GMDS: variants seen among roughly 807,000 people sequenced by gnomAD.
GMDS encodes the protein GDP-mannose 4,6 dehydratase.
A neutral mutation model predicts 49.9 loss-of-function variants in GMDS; 20 were observed. The observed-to-expected ratio is 0.40, with a 90% CI of 0.28 to 0.58. The LOEUF (loss-of-function observed/expected upper bound fraction) is 0.58, where lower values mean the gene tolerates loss of function less well. Among genes scored for constraint, GMDS ranks in the 20% least tolerant of loss-of-function variants. The pLI is 0.42. For missense variants in GMDS, 362 were observed against 481.4 expected (o/e 0.75, Z 2.32); for synonymous variants, 177 against 178.6 (o/e 0.99, Z 0.07).
intron 7 of GMDS, among the ~76,000 whole-genome samples, chr6:1,817,080 T>C (rs750588976): frequency 1.8e-4 from 27 of 146,790 alleles, no homozygotes; most frequent in Non-Finnish European, 3.6e-4. Context: ...CTGGTATTTA[T>C]ACATATATAT....
In GMDS at chr6:1,624,210, G is replaced by T; in HGVS notation, c.1078C>A (p.His360Asn). 6.2e-7 allele frequency: 1 copy of T among 1,611,036 alleles called. No individual in the cohort carries two copies. Among genetic ancestry groups the T allele is most frequent in the Non-Finnish European group, 8.5e-7 (1 of 1,179,778 alleles). Reference sequence around the variant, plus strand: ...GTCCTCATGAGCTCCACGTCGGCGTGCACCATCTCCCTCACCAGCTCCTGC... The same window carrying T: ...GTCCTCATGAGCTCCACGTCGGCGTTCACCATCTCCCTCACCAGCTCCTGC... ...AFDELVREMV[H>N]ADVELMRTNP... Residue 360 changes from histidine to asparagine, a missense_variant, in exon 11 of 11, where the codon CAC becomes AAC. Transcript: ENST00000380815.
chr6:1,714,618 T>C lies in GMDS; in HGVS notation c.987+11798A>G, dbSNP rs540640340. Among the ~76,000 whole-genome samples, 4 of 152,352 alleles carry C rather than the reference T, an allele frequency of 2.6e-5. No homozygotes were observed. The South Asian group carries it at 8.3e-4, about 32-fold the overall frequency. ...AAGCCAGAGAACTGAGTGTCTTTTA[T>C]GCTAGGTGACACTTTGTTCCACAAA... On this transcript the variant is annotated intron_variant, in intron 9 of 10. Transcript: ENST00000380815.
intron 7 of GMDS, among the ~76,000 whole-genome samples, chr6:1,768,890 G>T (rs1013563963): frequency 2.6e-5 from 4 of 152,168 alleles, no homozygotes; most frequent in Non-Finnish European, 5.9e-5. Context: ...GACTAAAAGA[G>T]TTATGCTTAT....
At chr6:1,690,060 G>A (rs900171271) in intron 9 of GMDS, among the ~76,000 whole-genome samples, 2 of 152,206 alleles carry the variant, frequency 1.3e-5, no homozygotes, top group Admixed American at 6.5e-5. Flanking sequence ...AACCGAGATC[G>A]CATCACTGCA....
chr6:1,707,254 T>C (rs1263497202), intron 9 of GMDS, among the ~76,000 whole-genome samples: 1 of 152,192 alleles, frequency 6.6e-6, no homozygotes, highest in African/African-American at 2.4e-5. Context: ...AATGTGACTT[T>C]AAGGAAGCAA....
At chr6:2,049,238 T>A (rs141662432) in intron 4 of GMDS, among the ~76,000 whole-genome samples, 1 of 152,342 alleles carries the variant, frequency 6.6e-6, no homozygotes, top group Non-Finnish European at 1.5e-5. Context: ...GTAATTTATC[T>A]ATAGATTCAT....
At chr6:1,968,711 C>T (rs1764405678) in intron 4 of GMDS, among the ~76,000 whole-genome samples, 1 of 152,100 alleles carries the variant, frequency 6.6e-6, no homozygotes, top group African/African-American at 2.4e-5. Flanking sequence ...CATATTTCCT[C>T]CCCACATACT....
intron 4 of GMDS, among the ~76,000 whole-genome samples, chr6:2,019,665 G>A (rs1241691558): frequency 6.6e-6 from 1 of 152,070 alleles, no homozygotes; most frequent in Non-Finnish European, 1.5e-5. Flanking sequence ...GGCCAGGCTG[G>A]TCTCGAACCC....
intron 4 of GMDS, among the ~76,000 whole-genome samples, chr6:2,048,566 C>T (rs1477439701): frequency 1.3e-5 from 2 of 152,204 alleles, no homozygotes; most frequent in Non-Finnish European, 1.5e-5. Flanking sequence ...TATCAATTTA[C>T]ATATTCACAT....
intron 9 of GMDS, among the ~76,000 whole-genome samples, chr6:1,671,619 T>C (rs373039176): frequency 1.1e-4 from 16 of 151,910 alleles, no homozygotes; most frequent in African/African-American, 3.6e-4. Flanking sequence ...TATAAGATAT[T>C]AAGGTTGGTG....
intron 6 of GMDS, among the ~76,000 whole-genome samples, chr6:1,938,953 T>TCCTCCCCTCC (rs1028296518): frequency 2.8e-5 from 4 of 140,638 alleles, no homozygotes; most frequent in African/African-American, 7.9e-5. Context: ...CTCCCTTCTT[T>TCCTCCCCTCC]CCTCCCCTCC....
rs1401362964 is a variant in GMDS at position 1,766,779 on chromosome 6, T to G, written c.772-24193A>C. Reference sequence around the variant, plus strand: ...CGAACATGCTAAAAACTGCGTTATGTTTTTTAAAAACCCAACAAACTCTAA... The same window carrying G: ...CGAACATGCTAAAAACTGCGTTATGGTTTTTAAAAACCCAACAAACTCTAA... On this transcript the variant is annotated intron_variant, in intron 7 of 10. Transcript: ENST00000380815. This position sits in a 1 kb window ranked among gnomAD's most constrained non-coding sequence, Gnocchi z 4.5. Among the ~76,000 whole-genome samples, 1 of 152,212 alleles carries G rather than the reference T, an allele frequency of 6.6e-6. No homozygotes were observed. The highest frequency in any genetic ancestry group is 1.5e-5 in the Non-Finnish European group (1 of 68,038).
chr6:1,660,486 G>A (rs902688598), intron 9 of GMDS, among the ~76,000 whole-genome samples: 2 of 151,942 alleles, frequency 1.3e-5, no homozygotes, highest in Non-Finnish European at 2.9e-5. Context: ...CTGCAGACAC[G>A]GGATGAGTTT....
At chr6:1,896,658 G>A (rs1760210128) in intron 7 of GMDS, among the ~76,000 whole-genome samples, 1 of 152,144 alleles carries the variant, frequency 6.6e-6, no homozygotes, top group African/African-American at 2.4e-5. Flanking sequence ...GTGTTGGTGT[G>A]CTGCAGGGGT....
chr6:1,711,047 G>A (rs371013838), intron 9 of GMDS, among the ~76,000 whole-genome samples: 68 of 152,338 alleles, frequency 4.5e-4, no homozygotes, highest in African/African-American at 1.5e-3. Flanking sequence ...TGTTTTCTCC[G>A]CATGGACAGC....
chr6:1,985,394 T>TTA (rs1554141785), intron 4 of GMDS, among the ~76,000 whole-genome samples: 1 of 151,818 alleles, frequency 6.6e-6, no homozygotes, highest in Admixed American at 6.6e-5. Flanking sequence ...GATTTTTTTT[T>TTA]AAAAAGAACA....
chr6:1,652,289 T>C (rs1258395084), intron 9 of GMDS, among the ~76,000 whole-genome samples: 1 of 133,894 alleles, frequency 7.5e-6, no homozygotes, highest in Non-Finnish European at 1.5e-5. Flanking sequence ...GGAGAATCTC[T>C]TGAACCCAGG....
chr6:1,863,153 T>C (rs1351002580), intron 7 of GMDS, among the ~76,000 whole-genome samples: 1 of 152,202 alleles, frequency 6.6e-6, no homozygotes, highest in Non-Finnish European at 1.5e-5. Context: ...TTTTATTACC[T>C]GTGTGGCTGT....
At chr6:1,741,417 A>G (rs1454978685) in intron 8 of GMDS, among the ~76,000 whole-genome samples, 1 of 152,050 alleles carries the variant, frequency 6.6e-6, no homozygotes, top group Non-Finnish European at 1.5e-5. Context: ...ATTTCACAGG[A>G]GTGATATCAT....
Sources: gnomAD v4.1 joint callset for allele counts (sites outside exome capture counted in the v4.1 genomes callset) on GRCh38, gnomAD v4.1.1 for gene constraint, Gnocchi (gnomAD v3.1) non-coding constraint, MANE v1.5 for transcripts, NCBI Gene and HGNC (gene_info 2026-07-23, HGNC 2026-07-21) for gene names.